The following CDH18 variants were observed in gnomAD, a reference collection of about 807,000 sequenced individuals.
The protein encoded by CDH18 is cadherin-18.
A neutral mutation model predicts 67.9 loss-of-function variants in CDH18; 31 were observed. That is an observed-to-expected ratio of 0.46 (90% CI 0.34 to 0.62). CDH18 has a LOEUF of 0.62. Ranked by LOEUF, CDH18 falls within the 20% of genes least tolerant of loss-of-function variation. The pLI, the probability that CDH18 is intolerant of heterozygous loss-of-function variation, is 0.01. For missense variants in CDH18, 890 were observed against 975.5 expected (o/e 0.91, Z 1.17); for synonymous variants, 362 against 347.2 (o/e 1.04, Z -0.48).
intron 5 of CDH18, among the ~76,000 whole-genome samples, chr5:19,654,469 T>C (rs987025228): frequency 3.3e-5 from 5 of 152,162 alleles, no homozygotes; most frequent in Admixed American, 6.5e-5. Context: ...GTGTGGCTCA[T>C]CTGTTTAGCC....
intron 9 of CDH18, 145 bp from the exon 10 acceptor site, chr5:19,520,923 C>T (rs1746803991): frequency 1.3e-6 from 1 of 762,548 alleles, no homozygotes; most frequent in Non-Finnish European, 2.1e-6. Flanking sequence ...TATGAAGGCG[C>T]TCTTTGCTAG....
chr5:20,273,142 T>G (rs1490848104), intron 1 of CDH18, among the ~76,000 whole-genome samples: 1 of 151,994 alleles, frequency 6.6e-6, no homozygotes, highest in African/African-American at 2.4e-5. Context: ...GGTACTAAGA[T>G]GCAAAACATT....
chr5:20,454,872 C>T (rs1750727211), intron 1 of CDH18, among the ~76,000 whole-genome samples: 1 of 152,028 alleles, frequency 6.6e-6, no homozygotes, highest in African/African-American at 2.4e-5. Context: ...AGACACAAGA[C>T]TACATTTTGT....
At chr5:19,622,679 G>A (rs1021574922) in intron 5 of CDH18, among the ~76,000 whole-genome samples, 1 of 152,118 alleles carries the variant, frequency 6.6e-6, no homozygotes, top group Admixed American at 6.6e-5. Context: ...ACCATGTAGA[G>A]AGGCTCTGCA....
chr5:20,258,313 T>C (rs1325627118), intron 1 of CDH18, among the ~76,000 whole-genome samples: 4 of 152,162 alleles, frequency 2.6e-5, no homozygotes, highest in African/African-American at 9.6e-5. Context: ...GCTTTTCTCC[T>C]GAAGTCATGT....
At chr5:19,862,767 G>A (rs529867344) in intron 2 of CDH18, among the ~76,000 whole-genome samples, 16 of 152,250 alleles carry the variant, frequency 1.1e-4, no homozygotes, top group East Asian at 1.9e-4. Flanking sequence ...ACCACAGGTC[G>A]TAGTCCAAAA....
intron 3 of CDH18, among the ~76,000 whole-genome samples, chr5:19,816,405 C>T (rs987237959): frequency 6.6e-6 from 1 of 151,830 alleles, no homozygotes; most frequent in African/African-American, 2.4e-5. Flanking sequence ...TCTAGCTAAT[C>T]ACAAGGACTT....
intron 7 of CDH18, among the ~76,000 whole-genome samples, chr5:19,588,588 A>G (rs971962573): frequency 6.6e-6 from 1 of 151,962 alleles, no homozygotes; most frequent in Non-Finnish European, 1.5e-5. Context: ...AAACCCCCCA[A>G]TAAAAAGACA....
chr5:20,529,696 T>A (rs1349382571), intron 1 of CDH18, among the ~76,000 whole-genome samples: 1 of 152,022 alleles, frequency 6.6e-6, no homozygotes, highest in African/African-American at 2.4e-5. Context: ...CATCTCCTCA[T>A]GTAAAAAACT....
intron 4 of CDH18, among the ~76,000 whole-genome samples, chr5:19,742,926 C>A (rs979073970): frequency 3.3e-5 from 5 of 152,010 alleles, no homozygotes; most frequent in African/African-American, 1.2e-4. Flanking sequence ...CATTAGAAAC[C>A]AGTACATTTT....
intron 7 of CDH18, among the ~76,000 whole-genome samples, chr5:19,576,764 T>G (rs1742377795): frequency 1.3e-5 from 2 of 152,158 alleles, no homozygotes; most frequent in East Asian, 3.9e-4. Context: ...CTGACATCAG[T>G]ATCCCAAAGA....
intron 10 of CDH18, 109 bp from the exon 11 acceptor site, chr5:19,503,218 C>G (rs1743551495): frequency 1.6e-6 from 1 of 608,436 alleles, no homozygotes; most frequent in Middle Eastern, 3.4e-4. Context: ...ATCTTTTCTT[C>G]CAACTTGAGT....
At chr5:20,546,768 C>CACACACAT (rs1757369758) in intron 1 of CDH18, among the ~76,000 whole-genome samples, 2 of 151,642 alleles carry the variant, frequency 1.3e-5, no homozygotes, top group South Asian at 4.2e-4. Flanking sequence ...CACACACACA[C>CACACACAT]ATATGTGCAT....
intron 1 of CDH18, among the ~76,000 whole-genome samples, chr5:20,328,189 T>A (rs1045226540): frequency 6.6e-6 from 1 of 152,130 alleles, no homozygotes; most frequent in Non-Finnish European, 1.5e-5. Context: ...TATGGGAGGT[T>A]TGAATGAGGT....
At chr5:19,624,295 C>T (rs1033916092) in intron 5 of CDH18, among the ~76,000 whole-genome samples, 1 of 152,062 alleles carries the variant, frequency 6.6e-6, no homozygotes, top group African/African-American at 2.4e-5. Context: ...GTGTGAGCCA[C>T]CACCCTGGCT....
chr5:20,183,679 C>T (rs191539279), intron 2 of CDH18, among the ~76,000 whole-genome samples: 2 of 152,182 alleles, frequency 1.3e-5, no homozygotes, highest in East Asian at 3.9e-4. Context: ...GCACATTTCA[C>T]ATGGATTCAC....
chr5:20,011,492 T>C lies in CDH18; in HGVS notation c.-517-19478A>G, dbSNP rs570339843. 1.6e-4 allele frequency among the ~76,000 whole-genome samples: 25 copies of C among 152,208 alleles called. No individual in the cohort carries two copies. In the South Asian group the frequency reaches 2.3e-3, roughly 14 times the overall value. ...TCTGGCCAGATCTTCCAACACTACGTTGAGTAGGAGTGGTGAGAGAGGGCA... is the reference window on the plus strand; with the variant it reads ...TCTGGCCAGATCTTCCAACACTACGCTGAGTAGGAGTGGTGAGAGAGGGCA... On this transcript the variant is annotated intron_variant, in intron 2 of 14. Transcript: ENST00000507958.
chr5:20,148,629 A>G (rs574679155), intron 2 of CDH18, among the ~76,000 whole-genome samples: 2 of 152,190 alleles, frequency 1.3e-5, no homozygotes, highest in African/African-American at 2.4e-5. Flanking sequence ...CTGTCCACTA[A>G]GCTTAAAGAA....
chr5:20,197,371 A>C (rs563574874), intron 2 of CDH18, among the ~76,000 whole-genome samples: 1 of 152,224 alleles, frequency 6.6e-6, no homozygotes, highest in African/African-American at 2.4e-5. Flanking sequence ...AATGAATACA[A>C]TGTTCTAGAC....
Sources: gnomAD v4.1 joint callset for allele counts (sites outside exome capture counted in the v4.1 genomes callset) on GRCh38, gnomAD v4.1.1 for gene constraint, MANE v1.5 for transcripts, NCBI Gene and HGNC (gene_info 2026-07-23, HGNC 2026-07-21) for gene names.